Variants in BCL2 observed in about 807,000 individuals in gnomAD.
BCL2 encodes apoptosis regulator Bcl-2.
BCL2 carries 1 observed loss-of-function variant against 14.2 expected under a neutral mutation model. The ratio of observed to expected loss-of-function variants is 0.07; its 90% confidence interval spans 0.02 to 0.33. The LOEUF is 0.33. Among genes scored for constraint, BCL2 ranks in the 10% least tolerant of loss-of-function variants. The pLI is 0.99. For synonymous variants in BCL2, 151 were observed against 137.2 expected, an observed-to-expected ratio of 1.10 and a Z score of -0.70; for missense variants, 247 against 305.9, an observed-to-expected ratio of 0.81 and a Z score of 1.44.
chr18:63,315,612 T>G (rs1168937633), intron 2 of BCL2: 1 of 152,220 alleles, frequency 6.6e-6, no homozygotes, highest in Non-Finnish European at 1.5e-5. Flanking sequence ...TATTGTCACA[T>G]GCCAAGAAAA....
At chr18:63,287,226 C>T (rs1017743042) in intron 2 of BCL2, among the ~76,000 whole-genome samples, 31 of 152,322 alleles carry the variant, frequency 2.0e-4, no homozygotes, top group African/African-American at 7.2e-4. Flanking sequence ...AGGAACCAAC[C>T]TCCTTAGAAA....
intron 2 of BCL2, among the ~76,000 whole-genome samples, chr18:63,281,714 A>C: frequency 6.8e-6 from 1 of 147,712 alleles, no homozygotes; most frequent in Non-Finnish European, 1.5e-5. Context: ...GAAAGAAAGA[A>C]AGAAAGAAAG....
chr18:63,261,215 G>C (rs988379248), intron 2 of BCL2, among the ~76,000 whole-genome samples: 2 of 152,170 alleles, frequency 1.3e-5, no homozygotes, highest in Admixed American at 6.5e-5. Flanking sequence ...ACCCATCCCA[G>C]GGCCTCAGGC....
chr18:63,274,273 T>C (rs377425399), intron 2 of BCL2, among the ~76,000 whole-genome samples: 32 of 145,178 alleles, frequency 2.2e-4, no homozygotes, highest in African/African-American at 7.3e-4. Flanking sequence ...TTTATAAAGA[T>C]ACTCTTTTTT....
At chr18:63,314,048 A>G (rs1376394037) in intron 2 of BCL2, 1 of 152,222 alleles carries the variant, frequency 6.6e-6, no homozygotes. Flanking sequence ...AATTTTATGA[A>G]TGTCCAGAAA....
chr18:63,316,950 CTT>C (rs1234395459), intron 2 of BCL2: 6 of 133,488 alleles, frequency 4.5e-5, no homozygotes, highest in African/African-American at 1.6e-4. Flanking sequence ...AAAAAAAAAA[CTT>C]CACACAAGAA....
intron 2 of BCL2, among the ~76,000 whole-genome samples, chr18:63,183,921 G>A (rs1915534432): frequency 1.3e-5 from 2 of 152,160 alleles, no homozygotes; most frequent in South Asian, 4.1e-4. Context: ...TCTTAAGGCA[G>A]CACTCCATTA....
At chr18:63,273,767 T>A (rs1357715132) in intron 2 of BCL2, among the ~76,000 whole-genome samples, 2 of 152,128 alleles carry the variant, frequency 1.3e-5, no homozygotes, top group Non-Finnish European at 2.9e-5. Context: ...GCCTGACTCC[T>A]CCCTCTTAAG....
rs192694514 is a variant in BCL2, at chr18:63,205,423, C to T, written c.586-76664G>A. On this transcript the variant is annotated intron_variant, in intron 2 of 2. Coordinates refer to ENST00000333681, the MANE Select transcript of BCL2 (RefSeq NM_000633.3). ...CTGTTTGTTGAGTCAAAAAAATAAA[C>T]AAAAACATTCGGACCTCACTAACAG... 1.1e-3 allele frequency among the ~76,000 whole-genome samples: 170 copies of T among 152,258 alleles called. 1 individual carries two copies. The highest frequency in any genetic ancestry group is 3.9e-3 in the African/African-American group (161 of 41,566).
chr18:63,140,600 G>C (rs1198885745), intron 2 of BCL2, among the ~76,000 whole-genome samples: 1 of 152,228 alleles, frequency 6.6e-6, no homozygotes, highest in African/African-American at 2.4e-5. Flanking sequence ...AAATAGGCAA[G>C]GCCATCAAGA....
At chr18:63,162,432 T>C (rs1432880010) in intron 2 of BCL2, among the ~76,000 whole-genome samples, 1 of 152,128 alleles carries the variant, frequency 6.6e-6, no homozygotes, top group African/African-American at 2.4e-5. Flanking sequence ...AACTCACATA[T>C]ATGAACATGT....
At chr18:63,202,862 A>G (rs1909737907) in intron 2 of BCL2, among the ~76,000 whole-genome samples, 1 of 152,164 alleles carries the variant, frequency 6.6e-6, no homozygotes, top group African/African-American at 2.4e-5. Flanking sequence ...AACAAGGACT[A>G]TGTTGGCCTG....
intron 2 of BCL2, among the ~76,000 whole-genome samples, chr18:63,285,328 T>C (rs1374145643): frequency 1.3e-5 from 2 of 152,132 alleles, no homozygotes; most frequent in East Asian, 1.9e-4. Flanking sequence ...AAAATGTCAG[T>C]AGGGGCTCTG....
intron 2 of BCL2, chr18:63,302,346 ATAGT>A: frequency 6.1e-6 from 6 of 984,788 alleles, no homozygotes; most frequent in Non-Finnish European, 7.2e-6. Context: ...GAGAGAGGAA[ATAGT>A]TGGTGGCTTG....
chr18:63,317,837 G>T (rs1378136640), intron 2 of BCL2: 1 of 1,395,316 alleles, frequency 7.2e-7, no homozygotes, highest in Non-Finnish European at 9.3e-7. Flanking sequence ...GATTACAAAC[G>T]CTAGATCTTT....
chr18:63,260,035 A>G (rs1192891661), intron 2 of BCL2, among the ~76,000 whole-genome samples: 1 of 151,974 alleles, frequency 6.6e-6, no homozygotes, highest in African/African-American at 2.4e-5. Context: ...AAACCCTTAG[A>G]CTCAGATGTT....
chr18:63,317,826 G>C (rs1301441536), intron 2 of BCL2: 6 of 1,378,858 alleles, frequency 4.4e-6, no homozygotes, highest in South Asian at 1.7e-5. Flanking sequence ...ACATCCTACT[G>C]GATTACAAAC....
At chr18:63,183,721 C>A (rs946709230) in intron 2 of BCL2, among the ~76,000 whole-genome samples, 1 of 152,128 alleles carries the variant, frequency 6.6e-6, no homozygotes, top group Non-Finnish European at 1.5e-5. Context: ...GGGGCGGGGG[C>A]GGGGGGCTTA....
intron 2 of BCL2, among the ~76,000 whole-genome samples, chr18:63,311,393 G>A (rs188734474): frequency 6.6e-5 from 10 of 152,282 alleles, no homozygotes; most frequent in Admixed American, 3.9e-4. Flanking sequence ...ACCATACTCT[G>A]TTGCAGCTTA....
Sources: allele counts gnomAD v4.1 joint callset (sites outside exome capture counted in the v4.1 genomes callset), GRCh38; gene constraint gnomAD v4.1.1; transcripts MANE v1.5; gene names NCBI Gene and HGNC (gene_info 2026-07-23, HGNC 2026-07-21).